The following ASAH1 variants were observed in gnomAD, a reference collection of about 807,000 sequenced individuals.
The protein encoded by ASAH1 is acid ceramidase.
A neutral mutation model predicts 59.5 loss-of-function variants in ASAH1; 70 were observed. The observed-to-expected ratio is 1.18, with a 90% confidence interval of 0.97 to 1.43. The LOEUF (loss-of-function observed/expected upper bound fraction) is 1.43, where lower values mean the gene tolerates loss of function less well. Among genes scored for constraint, ASAH1 ranks in the 40% most tolerant of loss-of-function variants. The probability of loss-of-function intolerance (pLI) is 0.00; values close to 1 mark genes in which losing one functional copy is unlikely to be tolerated. For missense variants in ASAH1, 660 were observed against 482.5 expected (o/e 1.37, Z -3.45); for synonymous variants, 213 against 166.5 (o/e 1.28, Z -2.15).
intron 7 of ASAH1, 158 bp from the exon 8 acceptor site, chr8:18,062,581 C>G: frequency 4.9e-6 from 4 of 813,432 alleles, no homozygotes; most frequent in Non-Finnish European, 7.8e-6. Flanking sequence ...ATTCTGTTTT[C>G]CAAATGATAA....
chr8:18,084,124 G>T (rs1465704427), upstream of ASAH1: 47 of 1,583,660 alleles, frequency 3.0e-5, no homozygotes, highest in Non-Finnish European at 3.8e-5. Context: ...CTGGGCCGGG[G>T]GCAGGCCACG....
chr8:18,084,441 G>T, upstream of ASAH1: 7 of 1,361,824 alleles, frequency 5.1e-6, no homozygotes, highest in Non-Finnish European at 6.7e-6. Flanking sequence ...CTAGCAGGCG[G>T]GTGCAGCCTG....
In ASAH1 at chr8:18,067,276, G is replaced by C. The variant is rs556045778; in HGVS notation, c.326C>G (p.Pro109Arg). The change falls in exon 5 of 14, where the codon CCT becomes CGT. Residue 109 changes from proline to arginine, a missense_variant. Pro to Arg is a moderately radical substitution (Grantham distance 103). Transcript: ENST00000637790. ...CTTCATTTCCTCTTCAAAAGGGCCA[G>C]GAAAGTTGCCAAGTAGGCCAGGCTG... is the stretch of plus-strand genomic sequence containing the variant. Reference protein sequence around the residue: ...EKLPGLLGNFPGPFEEEMKGI... With the variant: ...EKLPGLLGNFRGPFEEEMKGI... 2 of 1,599,028 alleles carry C rather than the reference G, an allele frequency of 1.3e-6. No individual in the cohort carries two copies. Among genetic ancestry groups the C allele is most frequent in the Non-Finnish European group, 8.5e-7 (1 of 1,172,062 alleles).
intron 6 of ASAH1, chr8:18,063,463 C>G: frequency 2.4e-6 from 1 of 424,554 alleles, no homozygotes; most frequent in Non-Finnish European, 4.1e-6. Context: ...GCGACCGCAC[C>G]TGGCTACTTT....
chr8:18,057,554 C>T lies in ASAH1; in HGVS notation c.1168G>A (p.Asp390Asn). The change falls in exon 14 of 14, where the codon GAC (aspartate) becomes AAC (asparagine). Residue 390 changes from aspartate (D) to asparagine (N), a missense_variant. Asp to Asn is a conservative substitution (Grantham distance 23). Transcript: ENST00000637790. ...QFETYLRDCP[D>N]PCIGW ...TGTGCTCACCAACCTATACAAGGGTCAGGGCAGTCCCGCAGGTAAGTTTCG... is the reference window on the plus strand; with the variant it reads ...TGTGCTCACCAACCTATACAAGGGTTAGGGCAGTCCCGCAGGTAAGTTTCG... 6.2e-7 allele frequency: 1 copy of T among 1,601,834 alleles called. No individual in the cohort carries two copies.
intron 2 of ASAH1, among the ~76,000 whole-genome samples, chr8:18,072,432 A>G (rs1321297328): frequency 6.6e-6 from 1 of 152,216 alleles, no homozygotes; most frequent in Non-Finnish European, 1.5e-5. Flanking sequence ...AATGCTGTGT[A>G]ACTTGGGGCC....
At chr8:18,084,869 G>C (rs1000057430), upstream of ASAH1, 4 of 1,592,456 alleles carry the variant, frequency 2.5e-6, no homozygotes, top group African/African-American at 5.4e-5. Context: ...AGCTTGGGAG[G>C]AGGCGGACGC....
chr8:18,068,565 T>C (rs1257641223), intron 4 of ASAH1: 3 of 152,208 alleles, frequency 2.0e-5, no homozygotes, highest in African/African-American at 7.2e-5. Context: ...GGGCAATGAT[T>C]CTCGACCACG....
At chr8:18,067,106 T>TGTGCTGTATATCTAAGACATACAGCACCA in intron 5 of ASAH1, 114 bp downstream of exon 5, 2 of 465,470 alleles carry the variant, frequency 4.3e-6, no homozygotes, top group Non-Finnish European at 6.0e-6. Flanking sequence ...CCTGTGCACC[T>TGTGCTGTATATCTAAGACATACAGCACCA]GTGCTGTATA....
chr8:18,061,779 C>G, intron 8 of ASAH1, 39 bp from the exon 9 acceptor site: 2 of 1,545,716 alleles, frequency 1.3e-6, no homozygotes, highest in Non-Finnish European at 1.8e-6. Flanking sequence ...GAAACATCAA[C>G]CATGCGCTTT....
intron 3 of ASAH1, 149 bp downstream of exon 3, chr8:18,071,151 G>A (rs1361542498): frequency 1.7e-5 from 5 of 295,494 alleles, no homozygotes; most frequent in African/African-American, 9.0e-5. Context: ...AGGTTGCGGC[G>A]AGCTGAGATC....
intron 3 of ASAH1, among the ~76,000 whole-genome samples, chr8:18,070,508 T>C (rs1240791931): frequency 6.6e-6 from 1 of 152,160 alleles, no homozygotes; most frequent in African/African-American, 2.4e-5. Context: ...GGTCTTGAAC[T>C]TCTGATCTCA....
upstream of ASAH1, chr8:18,084,748 G>A (rs1233533200): frequency 2.5e-6 from 4 of 1,613,696 alleles, no homozygotes; most frequent in African/African-American, 5.3e-5. Context: ...GACTTGGGTA[G>A]GAGGCCCGGT....
At position 18,057,227 on chromosome 8, in the gene ASAH1, G is replaced by A. The variant is rs1244744756; in HGVS notation, c.*307C>T. 3.1e-6 allele frequency: 1 copy of A among 323,862 alleles called. No homozygotes were observed. Among genetic ancestry groups the A allele is most frequent in the African/African-American group, 2.2e-5 (1 of 46,414 alleles). 20.1% of individuals were successfully genotyped at this position (323,862 alleles called of 1,614,324 possible). Reference sequence around the variant, plus strand: ...CTGAATCTCCATTTATTCCACGGAGGTGGAGTTCACCATGGTTCGACTGCC... The same window carrying A: ...CTGAATCTCCATTTATTCCACGGAGATGGAGTTCACCATGGTTCGACTGCC... On this transcript the variant is annotated 3_prime_UTR_variant, in exon 14 of 14. Coordinates refer to ENST00000637790, the MANE Select transcript of ASAH1 (RefSeq NM_177924.5).
At chr8:18,076,811 C>T (rs1233315545) in intron 1 of ASAH1, 2 of 152,158 alleles carry the variant, frequency 1.3e-5, no homozygotes. Context: ...GGAGGTCTAG[C>T]ACCTTGTTTT....
intron 7 of ASAH1, 102 bp from the exon 8 acceptor site, chr8:18,062,525 G>C: frequency 7.9e-7 from 1 of 1,272,122 alleles, no homozygotes; most frequent in East Asian, 2.3e-5. Context: ...TATTTACCGA[G>C]TCACCACGAT....
At chr8:18,059,314 T>C (rs749704699) in intron 12 of ASAH1, 27 bp downstream of exon 12, 2 of 1,614,106 alleles carry the variant, frequency 1.2e-6, no homozygotes, top group South Asian at 2.2e-5. Flanking sequence ...CAACAGTTTC[T>C]TTCTATAGAT....
Position 18,084,048 on chromosome 8 carries a change from C to T in ASAH1, c.11G>A (p.Arg4Gln). The stretch of plus-strand genomic sequence containing the variant: ...CAGGAGGACTAAGGCGACGCAACTC[C>T]GGCCCGGCATCGCTCTAGCAGCCAA... MPG[R>Q]SCVALVLLAA... Residue 4 changes from arginine (R) to glutamine (Q), a missense_variant, in exon 1 of 14, where the codon CGG becomes CAG. Physicochemically the swap from Arg to Gln is conservative, Grantham distance 43 (BLOSUM62 1). Coordinates refer to ENST00000637790, the MANE Select transcript of ASAH1 (RefSeq NM_177924.5). 6.3e-7 allele frequency: 1 copy of T among 1,598,728 alleles called. No homozygotes were observed. Among genetic ancestry groups the T allele is most frequent in the South Asian group, 1.1e-5 (1 of 91,080 alleles).
At chr8:18,067,132 A>G in intron 5 of ASAH1, 88 bp downstream of exon 5, 1 of 568,704 alleles carries the variant, frequency 1.8e-6, no homozygotes, top group Non-Finnish European at 2.4e-6. Context: ...GACATACAGC[A>G]CCTGTGCTGT....
Sources: allele counts gnomAD v4.1 joint callset (sites outside exome capture counted in the v4.1 genomes callset), GRCh38; gene constraint gnomAD v4.1.1; transcripts MANE v1.5; gene names NCBI Gene and HGNC (gene_info 2026-07-23, HGNC 2026-07-21).